Variants in LPIN1 observed in about 807,000 individuals in gnomAD.
LPIN1 encodes lipin 1.
LPIN1 carries 71 observed loss-of-function variants against 107.5 expected under a neutral mutation model. The observed-to-expected ratio is 0.66, with a 90% CI of 0.55 to 0.80. The LOEUF (loss-of-function observed/expected upper bound fraction) is 0.80, where lower values mean the gene tolerates loss of function less well. Among genes scored for constraint, LPIN1 ranks in the 30% least tolerant of loss-of-function variants. The pLI is 0.00. For synonymous variants in LPIN1, 445 were observed against 452.6 expected, an observed-to-expected ratio of 0.98 and a Z score of 0.21; for missense variants, 1,043 against 1,160.6, an observed-to-expected ratio of 0.90 and a Z score of 1.47.
intron 1 of LPIN1, chr2:11,764,260 C>T (rs973757649): frequency 1.2e-4 from 18 of 152,040 alleles, no homozygotes; most frequent in Non-Finnish European, 1.5e-5. Flanking sequence ...GATCTTCCCA[C>T]CTCAGCCTCC....
intron 20 of LPIN1, among the ~76,000 whole-genome samples, chr2:11,822,339 A>T (rs922907989): frequency 6.6e-6 from 1 of 151,452 alleles, no homozygotes; most frequent in Non-Finnish European, 1.5e-5. Flanking sequence ...TAATCCAACT[A>T]CTTGGAAGGC....
intron 1 of LPIN1, among the ~76,000 whole-genome samples, chr2:11,681,308 C>A (rs1661700124): frequency 6.6e-6 from 1 of 152,184 alleles, no homozygotes; most frequent in Non-Finnish European, 1.5e-5. Context: ...GAATTATAAT[C>A]CCCAGTGTTG....
At chr2:11,785,112 C>T (rs751262748) in intron 10 of LPIN1, 36 bp downstream of exon 10, 2 of 1,496,054 alleles carry the variant, frequency 1.3e-6, no homozygotes, top group East Asian at 2.3e-5. Flanking sequence ...CTCTGGTGGC[C>T]GCCGGTCAGA....
upstream of LPIN1, chr2:11,745,264 G>C (rs1666781495): frequency 6.6e-6 from 1 of 152,294 alleles, no homozygotes; most frequent in East Asian, 1.9e-4. Context: ...GCTTCTTGCT[G>C]AGTAGCCCCT....
At chr2:11,802,119 T>A (rs1677859258) in intron 14 of LPIN1, among the ~76,000 whole-genome samples, 1 of 152,098 alleles carries the variant, frequency 6.6e-6, no homozygotes, top group African/African-American at 2.4e-5. Context: ...CATATAGCAT[T>A]GAGGCATTTT....
rs1405352629 is a variant in LPIN1, at chr2:11,826,562, C to A, written c.*1771C>A. ...AGTCCTGCCTTAACTAACTCCTCTG[C>A]GCTTGTTCACTAGTAACCTAAAGAG... On this transcript the variant is annotated 3_prime_UTR_variant, in exon 21 of 21. Transcript: ENST00000674199. 6.7e-6 allele frequency: 1 copy of A among 149,788 alleles called. No homozygotes were observed. The highest frequency in any genetic ancestry group is 1.5e-5 in the Non-Finnish European group (1 of 67,768). The allele number at this position is 149,788 out of a possible 1,614,324, so 9.3% of individuals were successfully genotyped here. A position where few individuals can be genotyped will look rare whatever the true frequency, so the allele number is the denominator to read the frequency against.
intron 13 of LPIN1, among the ~76,000 whole-genome samples, chr2:11,794,918 T>A (rs990036393): frequency 6.6e-6 from 1 of 152,190 alleles, no homozygotes; most frequent in African/African-American, 2.4e-5. Context: ...CTCTTAGAAA[T>A]CCAAGGTTCT....
At chr2:11,741,465 G>T in intron 2 of LPIN1, 3 of 1,414,338 alleles carry the variant, frequency 2.1e-6, no homozygotes, top group Non-Finnish European at 2.9e-6. Context: ...TTACTGTTAA[G>T]GTGTTATGAC....
upstream of LPIN1, among the ~76,000 whole-genome samples, chr2:11,742,505 C>T (rs1007980563): frequency 1.3e-5 from 2 of 152,138 alleles, no homozygotes; most frequent in African/African-American, 2.4e-5. Flanking sequence ...TGGGTCATGG[C>T]GACTCAGAGG....
chr2:11,787,940 C>CAA (rs748630756), intron 11 of LPIN1, among the ~76,000 whole-genome samples: 35 of 96,522 alleles, frequency 3.6e-4, no homozygotes, highest in African/African-American at 8.9e-4. Flanking sequence ...GACTCTGTCT[C>CAA]AAAAAAAAAA....
chr2:11,732,038 T>C (rs1254330266), intron 1 of LPIN1, among the ~76,000 whole-genome samples: 1 of 152,250 alleles, frequency 6.6e-6, no homozygotes, highest in East Asian at 1.9e-4. Context: ...CTGTTCACTC[T>C]GATGTTAGTT....
At chr2:11,778,062 C>G (rs1267489745) in intron 6 of LPIN1, among the ~76,000 whole-genome samples, 2 of 152,228 alleles carry the variant, frequency 1.3e-5, no homozygotes, top group African/African-American at 4.8e-5. Flanking sequence ...AAAGCGTTGT[C>G]TCTTTGGAGA....
intron 1 of LPIN1, among the ~76,000 whole-genome samples, chr2:11,705,045 G>A (rs1188353620): frequency 1.3e-5 from 2 of 152,296 alleles, no homozygotes; most frequent in East Asian, 3.9e-4. Context: ...AAAGCCCAAG[G>A]CATGAAGCCC....
exon 2 of LPIN1, chr2:11,713,771 G>C: frequency 6.6e-7 from 1 of 1,517,012 alleles, no homozygotes; most frequent in South Asian, 1.2e-5. Flanking sequence ...AATAATGAGA[G>C]ACCCTGGGTG....
chr2:11,767,716 C>T lies in LPIN1; in HGVS notation c.193-47C>T, dbSNP rs45509591. 216,131 of 1,253,424 alleles carry T rather than the reference C, an allele frequency of 0.17. 20,895 individuals carry two copies. Among genetic ancestry groups the T allele is most frequent in the Non-Finnish European group, 0.2 (171,616 of 850,712 alleles). 77.6% of individuals were successfully genotyped at this position (1,253,424 alleles called of 1,614,324 possible). A position where few individuals can be genotyped will look rare whatever the true frequency, so the allele number is the denominator to read the frequency against. On this transcript the variant is annotated intron_variant, in intron 2 of 20. Transcript: ENST00000674199. The stretch of plus-strand genomic sequence containing the variant: ...TGGCCGTCCCCATGAGGTCTCCTGT[C>T]CTGGTGAAGGCAGTTCATTCTTTTC...
chr2:11,807,881 A>AT (rs1678985628), intron 17 of LPIN1, among the ~76,000 whole-genome samples: 1 of 152,066 alleles, frequency 6.6e-6, no homozygotes, highest in Admixed American at 6.5e-5. Context: ...TTGATGTGGC[A>AT]TTTGAAACCT....
intron 10 of LPIN1, 34 bp from the exon 11 acceptor site, chr2:11,787,040 G>GT (rs769924452): frequency 6.7e-7 from 1 of 1,489,190 alleles, no homozygotes; most frequent in African/African-American, 1.4e-5. Context: ...TTTTCTTTTT[G>GT]TTTTTCCCTG....
In LPIN1 at chr2:11,771,694, G is replaced by A; in HGVS notation, c.596+15G>A. On this transcript the variant is annotated intron_variant, in intron 4 of 20. Transcript: ENST00000674199. This position sits in a 1 kb window ranked among gnomAD's most constrained non-coding sequence, Gnocchi z 4.8. ...GAGAGCAGCAGGTAATAACTGTCCA[G>A]GGTGGAGGGGCTGTGCCAGAATCAG... 1 of 1,576,160 alleles carries A rather than the reference G, an allele frequency of 6.3e-7. No homozygotes were observed. Among genetic ancestry groups the A allele is most frequent in the Non-Finnish European group, 8.6e-7 (1 of 1,160,646 alleles).
At chr2:11,755,844 C>T (rs1368624233) in intron 1 of LPIN1, among the ~76,000 whole-genome samples, 1 of 151,948 alleles carries the variant, frequency 6.6e-6, no homozygotes, top group Admixed American at 6.6e-5. Flanking sequence ...GCCTCAGCCT[C>T]CTGAGTAGCT....
Sources: gnomAD v4.1 joint callset for allele counts (sites outside exome capture counted in the v4.1 genomes callset) on GRCh38, gnomAD v4.1.1 for gene constraint, Gnocchi (gnomAD v3.1) non-coding constraint, MANE v1.5 for transcripts, NCBI Gene and HGNC (gene_info 2026-07-23, HGNC 2026-07-21) for gene names.